NLRP14: variants seen among roughly 807,000 people sequenced by gnomAD.
The protein encoded by NLRP14 is NLR family pyrin domain containing 14.
Under a neutral mutation model 94.7 loss-of-function variants are expected in NLRP14, and 105 were observed. That is an observed-to-expected ratio of 1.11 (90% CI 0.95 to 1.30). NLRP14 has a LOEUF of 1.30. Among genes scored for constraint, NLRP14 ranks in the 50% most tolerant of loss-of-function variants. The probability of loss-of-function intolerance (pLI) is 0.00; values close to 1 mark genes in which losing one functional copy is unlikely to be tolerated. For synonymous variants in NLRP14, 508 were observed against 459.9 expected (o/e 1.10, Z -1.34); for missense variants, 1,362 against 1,254.1 (o/e 1.09, Z -1.30).
chr11:7,062,611 G>A (rs923242055), intron 10 of NLRP14, 108 bp downstream of exon 10: 5 of 940,052 alleles, frequency 5.3e-6, no homozygotes, highest in Non-Finnish European at 8.7e-6. Context: ...GGGCTAGAAG[G>A]TAAGTTACTC....
the NLRP14 span, among the ~76,000 whole-genome samples, chr11:7,081,088 CT>C: frequency 6.6e-6 from 1 of 151,940 alleles, no homozygotes; most frequent in African/African-American, 2.4e-5. Context: ...GCCAGCATGT[CT>C]TTGGTTAGGG....
At chr11:7,021,521 G>C (rs1851935429) in intron 1 of NLRP14, among the ~76,000 whole-genome samples, 1 of 152,182 alleles carries the variant, frequency 6.6e-6, no homozygotes, top group South Asian at 2.1e-4. Context: ...TTTGTTGTCT[G>C]ACGGAACTGA....
At chr11:7,079,412 T>G in the NLRP14 span, among the ~76,000 whole-genome samples, 1 of 152,204 alleles carries the variant, frequency 6.6e-6, no homozygotes, top group Non-Finnish European at 1.5e-5. Context: ...TCTCTGCCAT[T>G]AGTTGTAAAA....
intron 6 of NLRP14, among the ~76,000 whole-genome samples, chr11:7,054,567 G>A (rs765564627): frequency 6.6e-6 from 1 of 152,060 alleles, no homozygotes; most frequent in Non-Finnish European, 1.5e-5. Context: ...ATGATGTTGA[G>A]CATCTTTGCA....
At chr11:7,044,485 T>A (rs1852322078) in intron 4 of NLRP14, among the ~76,000 whole-genome samples, 1 of 152,230 alleles carries the variant, frequency 6.6e-6, no homozygotes, top group South Asian at 2.1e-4. Flanking sequence ...CAGACATTGG[T>A]TGGCCTTTGT....
intron 6 of NLRP14, among the ~76,000 whole-genome samples, chr11:7,054,400 G>A (rs566130542): frequency 6.6e-6 from 1 of 152,214 alleles, no homozygotes; most frequent in South Asian, 2.1e-4. Flanking sequence ...CTCCATAATA[G>A]TTGTGTTAAT....
intron 1 of NLRP14, among the ~76,000 whole-genome samples, chr11:7,030,871 C>A (rs1852081829): frequency 6.6e-6 from 1 of 152,206 alleles, no homozygotes; most frequent in Non-Finnish European, 1.5e-5. Flanking sequence ...AGGACGTGCG[C>A]CCACAGGTTT....
At chr11:7,069,582 G>A (rs1170073931) in intron 10 of NLRP14, among the ~76,000 whole-genome samples, 1 of 152,022 alleles carries the variant, frequency 6.6e-6, no homozygotes, top group Non-Finnish European at 1.5e-5. Context: ...ATTTTTATTT[G>A]CATCAATGGC....
intron 2 of NLRP14, among the ~76,000 whole-genome samples, chr11:7,039,321 C>T (rs754914824): frequency 2.6e-5 from 4 of 151,690 alleles, no homozygotes; most frequent in Non-Finnish European, 5.9e-5. Flanking sequence ...TATTATAGAC[C>T]TCTAGAATTC....
At chr11:7,073,476 T>C (rs1852831596), downstream of NLRP14, among the ~76,000 whole-genome samples, 1 of 152,194 alleles carries the variant, frequency 6.6e-6, no homozygotes. Flanking sequence ...ATAATTCAAT[T>C]CTATTCTGAT....
At chr11:7,038,174 A>G (rs1852188159) in intron 1 of NLRP14, among the ~76,000 whole-genome samples, 1 of 152,156 alleles carries the variant, frequency 6.6e-6, no homozygotes, top group African/African-American at 2.4e-5. Context: ...AATACTTAGG[A>G]GGAGCCAGTT....
chr11:7,062,255 C>T, intron 9 of NLRP14, 78 bp from the exon 10 acceptor site: 1 of 1,205,722 alleles, frequency 8.3e-7, no homozygotes, highest in South Asian at 1.2e-5. Context: ...GGTTCAAATA[C>T]CTGGGTATAT....
intron 5 of NLRP14, among the ~76,000 whole-genome samples, chr11:7,047,469 A>AT (rs914477828): frequency 1.8e-4 from 27 of 150,568 alleles, no homozygotes; most frequent in African/African-American, 4.6e-4. Context: ...ATGCCAGGCT[A>AT]TTTTTTTTTA....
chr11:7,024,662 G>T (rs1447250669), intron 1 of NLRP14, among the ~76,000 whole-genome samples: 1 of 152,148 alleles, frequency 6.6e-6, no homozygotes, highest in African/African-American at 2.4e-5. Context: ...ATGAGTGTGT[G>T]TGTGTGCATG....
the NLRP14 span, chr11:7,088,989 C>T: frequency 9.3e-6 from 10 of 1,078,296 alleles, no homozygotes; most frequent in Admixed American, 8.9e-5. Context: ...GCTCCGGCTG[C>T]GGTTCCGTGG....
In NLRP14 at chr11:7,043,395, GTC is replaced by G; in HGVS notation, c.1373_1374del (p.Ser458Ter). 6.8e-6 allele frequency: 11 copies of G among 1,614,110 alleles called. No homozygotes were observed. The highest frequency in any genetic ancestry group is 9.3e-6 in the Non-Finnish European group (11 of 1,179,974). On this transcript the variant is annotated frameshift_variant, in exon 4 of 12. Transcript: ENST00000299481. LOFTEE classifies it high-confidence loss of function. ...AAGGCTTGGGTTAACTCAATCTGAT[GTC>G]TCTAGTTTTATGGACAGCAATATTA... ...LRRLGLTQSD[V>X]SSFMDSNIIQ... is the part of the protein sequence containing the mutation.
the NLRP14 span, among the ~76,000 whole-genome samples, chr11:7,079,947 A>G: frequency 6.6e-6 from 1 of 151,988 alleles, no homozygotes. Context: ...AGCCATTGCG[A>G]TAGGAGGGGT....
chr11:7,027,499 C>A (rs1260292961), intron 1 of NLRP14, among the ~76,000 whole-genome samples: 2 of 152,092 alleles, frequency 1.3e-5, no homozygotes, highest in Non-Finnish European at 2.9e-5. Flanking sequence ...ACAACCTAAT[C>A]ATGTCCCAAA....
the NLRP14 span, chr11:7,089,423 C>T: frequency 3.2e-6 from 5 of 1,555,134 alleles, no homozygotes; most frequent in Non-Finnish European, 3.5e-6. Flanking sequence ...CTCCCCGCAG[C>T]CGCGGTCGCC....
Sources: gnomAD v4.1 joint callset for allele counts (sites outside exome capture counted in the v4.1 genomes callset) on GRCh38, gnomAD v4.1.1 for gene constraint, MANE v1.5 for transcripts, NCBI Gene and HGNC (gene_info 2026-07-23, HGNC 2026-07-21) for gene names.